Variants in RC3H2 observed in about 807,000 individuals in gnomAD.
RC3H2 encodes the protein ring finger and CCCH-type domains 2.
RC3H2 carries 31 observed loss-of-function variants against 133.3 expected under a neutral mutation model. That is an observed-to-expected ratio of 0.23 (90% CI 0.17 to 0.31). RC3H2 has a LOEUF of 0.31. Among genes scored for constraint, RC3H2 ranks in the 10% least tolerant of loss-of-function variants. The probability of loss-of-function intolerance (pLI) is 1.00; values close to 1 mark genes in which losing one functional copy is unlikely to be tolerated. For missense variants in RC3H2, 1,175 were observed against 1,437.2 expected (o/e 0.82, Z 2.95); for synonymous variants, 517 against 502.2 (o/e 1.03, Z -0.40).
chr9:122,866,665 C>T (rs1248336123), intron 9 of RC3H2, among the ~76,000 whole-genome samples: 3 of 152,242 alleles, frequency 2.0e-5, no homozygotes, highest in East Asian at 1.9e-4. Context: ...CCTCGGCCTC[C>T]GGAGGTGCCG....
At chr9:122,867,832 CG>C (rs1830782702) in intron 9 of RC3H2, among the ~76,000 whole-genome samples, 1 of 109,202 alleles carries the variant, frequency 9.2e-6, no homozygotes, top group African/African-American at 3.7e-5. Flanking sequence ...GCCCGGCAGC[CG>C]GCCCATCTGA....
rs1829924620 is a variant in RC3H2 at position 122,848,931 on chromosome 9, A to T, written c.*696T>A. ...TTTTTAATTAATTACTTCAACAAGT[A>T]GCCTGTGTATAAATATTAACAAAGC... On this transcript the variant is annotated 3_prime_UTR_variant, in exon 21 of 21. Coordinates refer to ENST00000357244, the MANE Select transcript of RC3H2 (RefSeq NM_001100588.3). The T allele has an allele frequency of 6.6e-6, 1 of 152,180 alleles. No homozygotes were observed. The highest frequency in any genetic ancestry group is 1.5e-5 in the Non-Finnish European group (1 of 68,014). 9.4% of individuals were successfully genotyped at this position (152,180 alleles called of 1,614,324 possible).
At chr9:122,866,813 T>C (rs1830699072) in intron 9 of RC3H2, among the ~76,000 whole-genome samples, 1 of 152,142 alleles carries the variant, frequency 6.6e-6, no homozygotes, top group African/African-American at 2.4e-5. Context: ...TTGCAGCCTA[T>C]GCCCGGCCGC....
intron 11 of RC3H2, 115 bp downstream of exon 11, chr9:122,859,802 G>T: frequency 1.1e-6 from 1 of 883,870 alleles, no homozygotes; most frequent in Non-Finnish European, 1.8e-6. Flanking sequence ...AAACTTATGA[G>T]TCACATAGTC....
intron 8 of RC3H2, among the ~76,000 whole-genome samples, chr9:122,878,107 A>C (rs1831417903): frequency 6.6e-6 from 1 of 152,240 alleles, no homozygotes; most frequent in Non-Finnish European, 1.5e-5. Flanking sequence ...TATTACTTCT[A>C]CAATTTGCAT....
At chr9:122,860,409 T>C (rs941577656) in intron 10 of RC3H2, among the ~76,000 whole-genome samples, 8 of 141,360 alleles carry the variant, frequency 5.7e-5, no homozygotes, top group African/African-American at 1.8e-4. Context: ...CCCATTCTTT[T>C]TTTTTTTTTT....
chr9:122,850,980 G>T, intron 20 of RC3H2, 101 bp downstream of exon 20: 2 of 1,239,186 alleles, frequency 1.6e-6, no homozygotes, highest in Non-Finnish European at 2.3e-6. Flanking sequence ...GCCCATATAA[G>T]GTCTTCCCCT....
chr9:122,868,262 C>T (rs1308292862), intron 9 of RC3H2, among the ~76,000 whole-genome samples: 12 of 152,186 alleles, frequency 7.9e-5, no homozygotes, highest in African/African-American at 2.2e-4. Flanking sequence ...TCATTGAGAA[C>T]GGGCCATGAT....
Position 122,859,081 on chromosome 9 carries a change from G to A in RC3H2, c.1871C>T (p.Thr624Met), listed in dbSNP as rs773358666. 2.5e-5 allele frequency: 39 copies of A among 1,581,944 alleles called. No individual in the cohort carries two copies. Among genetic ancestry groups the A allele is most frequent in the Admixed American group, 7.1e-5 (4 of 56,172 alleles). The part of the protein sequence containing the change: ...PQTGYYPPPP[T>M]VPAGVAPCVP... ...ACAGGGAGCCACACCAGCTGGTACC[G>A]TTGGAGGTGGTGGATAGTATCCTTG... The change falls in exon 12 of 21, where the codon ACG (threonine) becomes ATG (methionine). Residue 624 changes from threonine to methionine, a missense_variant. Thr to Met is a moderately conservative substitution (Grantham distance 81). Around this residue, in one of 8 missense-constraint regions of RC3H2, gnomAD observed 490 missense variants for 492.8 expected, o/e 0.99. Coordinates refer to ENST00000357244, the MANE Select transcript of RC3H2 (RefSeq NM_001100588.3).
chr9:122,897,321 T>G lies in RC3H2; in HGVS notation c.189A>C (p.Val63=). 6.2e-7 allele frequency: 1 copy of G among 1,614,158 alleles called. No individual in the cohort carries two copies. Among genetic ancestry groups the G allele is most frequent in the South Asian group, 1.1e-5 (1 of 91,090 alleles). Residue 63 remains valine (V), a synonymous_variant, in exon 2 of 21, where the codon GTA becomes GTC. Transcript: ENST00000357244. ...DQTAINTDID[V]LPVNFALLQL... ...GGAGAAGTGCGAAGTTGACAGGAAG[T>G]ACATCAATATCTGTGTTGATGGCAG...
chr9:122,868,839 A>ATGTG (rs36205979), intron 9 of RC3H2, among the ~76,000 whole-genome samples: 46 of 118,958 alleles, frequency 3.9e-4, no homozygotes, highest in African/African-American at 1.4e-3. Context: ...TCCCTCCTAT[A>ATGTG]TGTGTGTGTG....
At chr9:122,889,462 A>T (rs1832070431) in intron 4 of RC3H2, among the ~76,000 whole-genome samples, 1 of 152,198 alleles carries the variant, frequency 6.6e-6, no homozygotes, top group Admixed American at 6.5e-5. Context: ...ACTTATTAAA[A>T]GTTTCCTTTC....
intron 10 of RC3H2, 72 bp from the exon 11 acceptor site, chr9:122,860,203 T>C: frequency 8.9e-7 from 1 of 1,122,820 alleles, no homozygotes; most frequent in South Asian, 1.4e-5. Context: ...TAGAAATTTT[T>C]AATAAAATTA....
At chr9:122,883,035 G>A (rs954568757) in intron 5 of RC3H2, among the ~76,000 whole-genome samples, 169 bp downstream of exon 5, 3 of 151,982 alleles carry the variant, frequency 2.0e-5, no homozygotes, top group Admixed American at 6.6e-5. Flanking sequence ...GATAGTAATG[G>A]GTACTACCAA....
intron 1 of RC3H2, 49 bp downstream of exon 1, chr9:122,905,061 A>T: frequency 1.0e-6 from 1 of 981,578 alleles, no homozygotes; most frequent in Non-Finnish European, 1.2e-6. Context: ...GCCGGGGACC[A>T]GGCACCCGGG....
intron 4 of RC3H2, among the ~76,000 whole-genome samples, chr9:122,888,873 G>A (rs1283387176): frequency 6.6e-6 from 1 of 152,138 alleles, no homozygotes; most frequent in Non-Finnish European, 1.5e-5. Context: ...TAAACACAGA[G>A]GTAATATTTT....
At position 122,851,323 on chromosome 9, in the gene RC3H2, T is replaced by C; in HGVS notation, c.3231A>G (p.Glu1077=). The C allele has an allele frequency of 1.9e-6, 3 of 1,613,638 alleles. No individual in the cohort carries two copies. The highest frequency in any genetic ancestry group is 2.5e-6 in the Non-Finnish European group (3 of 1,179,498). Residue 1077 remains glutamate (E), a splice_region_variant and synonymous_variant, in exon 19 of 21, where the codon GAA becomes GAG. Transcript: ENST00000357244. ...TCAATTATCTAATTGTGGCACTTAC[T>C]TCAATTGGTTCACTTTGTCCATCAG... ...DEPDGQSEPI[E]EILDIQLGIS... is the part of the protein sequence containing the mutation.
intron 1 of RC3H2, among the ~76,000 whole-genome samples, chr9:122,900,485 C>T (rs1411745520): frequency 6.6e-6 from 1 of 152,058 alleles, no homozygotes; most frequent in Non-Finnish European, 1.5e-5. Flanking sequence ...TCAAAACAGG[C>T]ACTTTGTAAA....
At chr9:122,867,873 A>G (rs1278107790) in intron 9 of RC3H2, among the ~76,000 whole-genome samples, 3 of 64,100 alleles carry the variant, frequency 4.7e-5, no homozygotes, top group Non-Finnish European at 3.4e-5. Flanking sequence ...CCCGGCAGCC[A>G]CCCCGTCCGG....
Sources: allele counts gnomAD v4.1 joint callset (sites outside exome capture counted in the v4.1 genomes callset), GRCh38; gene constraint gnomAD v4.1.1; regional missense constraint gnomAD v4.1.1; transcripts MANE v1.5; gene names NCBI Gene and HGNC (gene_info 2026-07-23, HGNC 2026-07-21).